Variants in CDK14 observed in about 807,000 individuals in gnomAD.
CDK14 encodes the protein cyclin dependent kinase 14.
CDK14 carries 34 observed loss-of-function variants against 60.7 expected under a neutral mutation model. The observed-to-expected ratio is 0.56, with a 90% CI of 0.43 to 0.75. The LOEUF (loss-of-function observed/expected upper bound fraction) is 0.75. Among genes scored for constraint, CDK14 ranks in the 30% least tolerant of loss-of-function variants. The pLI, the probability that CDK14 is intolerant of heterozygous loss-of-function variation, is 0.00. For missense variants in CDK14, 482 were observed against 564.1 expected (o/e 0.85, Z 1.47); for synonymous variants, 197 against 203.7 (o/e 0.97, Z 0.28).
At chr7:90,604,299 G>A (rs1440441999) in intron 2 of CDK14, 50 bp downstream of exon 2, 3 of 1,183,660 alleles carry the variant, frequency 2.5e-6, no homozygotes, top group Non-Finnish European at 3.5e-6. Context: ...TGACTACCAG[G>A]TAAAGTCAGT....
chr7:90,738,826 A>G (rs11768839), intron 3 of CDK14, among the ~76,000 whole-genome samples: 305 of 152,336 alleles, frequency 2.0e-3, no homozygotes, highest in Admixed American at 4.1e-3. Flanking sequence ...ATGATTTAAT[A>G]AAGTTGCAAG....
intron 5 of CDK14, among the ~76,000 whole-genome samples, chr7:90,801,027 A>C (rs991037179): frequency 2.6e-5 from 4 of 152,212 alleles, no homozygotes; most frequent in African/African-American, 4.8e-5. Flanking sequence ...GCATGGCTTC[A>C]TCTTAACTTA....
intron 10 of CDK14, among the ~76,000 whole-genome samples, chr7:91,031,639 G>C (rs967673643): frequency 6.6e-6 from 1 of 152,132 alleles, no homozygotes; most frequent in Admixed American, 6.5e-5. Flanking sequence ...GTTAAATGAC[G>C]TAGTGAGTTC....
chr7:90,954,182 G>A (rs1794339610), intron 8 of CDK14, among the ~76,000 whole-genome samples: 1 of 151,992 alleles, frequency 6.6e-6, no homozygotes, highest in Non-Finnish European at 1.5e-5. Flanking sequence ...AACCATGGCT[G>A]AATTAATTAG....
At chr7:90,802,162 A>G (rs1042023858) in intron 5 of CDK14, among the ~76,000 whole-genome samples, 21 of 152,180 alleles carry the variant, frequency 1.4e-4, no homozygotes, top group Non-Finnish European at 1.2e-4. Flanking sequence ...TCCTCTTGTA[A>G]TGATTTCAAA....
intron 12 of CDK14, among the ~76,000 whole-genome samples, chr7:91,107,955 T>G (rs1360557518): frequency 6.6e-6 from 1 of 152,208 alleles, no homozygotes; most frequent in Non-Finnish European, 1.5e-5. Context: ...CTCAAGAGCT[T>G]GACAGAATTG....
At chr7:90,833,306 A>AATG (rs1381199390) in intron 5 of CDK14, among the ~76,000 whole-genome samples, 2 of 152,162 alleles carry the variant, frequency 1.3e-5, no homozygotes, top group Non-Finnish European at 1.5e-5. Context: ...GTAATTGTAC[A>AATG]ATGTATCTGC....
intron 10 of CDK14, among the ~76,000 whole-genome samples, chr7:90,984,595 G>A (rs1795324432): frequency 6.6e-6 from 1 of 152,176 alleles, no homozygotes; most frequent in Admixed American, 6.5e-5. Flanking sequence ...CCCCTTGACT[G>A]TGAGCTTTGA....
intron 2 of CDK14, among the ~76,000 whole-genome samples, chr7:90,622,577 A>T (rs1799793914): frequency 6.6e-6 from 1 of 152,220 alleles, no homozygotes; most frequent in Non-Finnish European, 1.5e-5. Context: ...TATAAAAATT[A>T]AAAGCATTTG....
intron 10 of CDK14, among the ~76,000 whole-genome samples, chr7:90,992,970 C>T (rs1026022895): frequency 6.6e-6 from 1 of 152,094 alleles, no homozygotes; most frequent in Non-Finnish European, 1.5e-5. Flanking sequence ...TGAGTCAGTT[C>T]ACCATGAGAG....
rs1802936256 is a variant in CDK14, at chr7:91,207,394, T to C, written c.*258T>C. 2 of 152,550 alleles carry C rather than the reference T, an allele frequency of 1.3e-5. No homozygotes were observed. Among genetic ancestry groups the C allele is most frequent in the African/African-American group, 2.4e-5 (1 of 41,476 alleles). 9.4% of individuals were successfully genotyped at this position (152,550 alleles called of 1,614,324 possible). A position where few individuals can be genotyped will look rare whatever the true frequency, so the allele number is the denominator to read the frequency against. ...GTGAAGATTAAGCTTTGCTTACTGATACATGGCATGTATTCTTTTCAGTCT... is the reference window on the plus strand; with the variant it reads ...GTGAAGATTAAGCTTTGCTTACTGACACATGGCATGTATTCTTTTCAGTCT... On this transcript the variant is annotated 3_prime_UTR_variant, in exon 15 of 15. Transcript: ENST00000380050.
At chr7:91,060,855 T>C (rs1233604656) in intron 11 of CDK14, among the ~76,000 whole-genome samples, 1 of 152,190 alleles carries the variant, frequency 6.6e-6, no homozygotes, top group Non-Finnish European at 1.5e-5. Context: ...TTTTAACTTT[T>C]GTGAATCTGA....
At chr7:90,975,772 T>C (rs1795052819) in intron 9 of CDK14, among the ~76,000 whole-genome samples, 1 of 152,192 alleles carries the variant, frequency 6.6e-6, no homozygotes, top group Admixed American at 6.6e-5. Flanking sequence ...CTTCCGTATA[T>C]GAGTGAGAAC....
At chr7:90,932,034 T>G (rs1793608229) in intron 8 of CDK14, among the ~76,000 whole-genome samples, 1 of 152,252 alleles carries the variant, frequency 6.6e-6, no homozygotes, top group Non-Finnish European at 1.5e-5. Context: ...AAATATAGTT[T>G]GTTGGATAAC....
At chr7:90,844,461 A>G (rs1790396087) in intron 5 of CDK14, among the ~76,000 whole-genome samples, 1 of 152,216 alleles carries the variant, frequency 6.6e-6, no homozygotes, top group Non-Finnish European at 1.5e-5. Context: ...TAGAGTCATG[A>G]GGTAGGACTT....
intron 10 of CDK14, among the ~76,000 whole-genome samples, chr7:91,035,319 A>C (rs1026025029): frequency 1.3e-5 from 2 of 152,214 alleles, no homozygotes; most frequent in Non-Finnish European, 2.9e-5. Context: ...GTCTGAATGC[A>C]AAATGCAACC....
intron 8 of CDK14, among the ~76,000 whole-genome samples, chr7:90,929,296 G>T (rs1793518309): frequency 6.6e-6 from 1 of 152,194 alleles, no homozygotes; most frequent in African/African-American, 2.4e-5. Context: ...CATTGCTCAT[G>T]CTGGGAGCTG....
At chr7:90,712,154 C>T (rs1802086444) in intron 2 of CDK14, among the ~76,000 whole-genome samples, 1 of 151,500 alleles carries the variant, frequency 6.6e-6, no homozygotes, top group African/African-American at 2.4e-5. Context: ...TAACACAAAT[C>T]TTGCCATTAT....
intron 4 of CDK14, among the ~76,000 whole-genome samples, chr7:90,763,030 C>T (rs1804387580): frequency 6.6e-6 from 1 of 152,130 alleles, no homozygotes; most frequent in Non-Finnish European, 1.5e-5. Flanking sequence ...AAAGCAAGTA[C>T]TTCTGATGAT....
Sources: allele counts gnomAD v4.1 joint callset (sites outside exome capture counted in the v4.1 genomes callset), GRCh38; gene constraint gnomAD v4.1.1; transcripts MANE v1.5; gene names NCBI Gene and HGNC (gene_info 2026-07-23, HGNC 2026-07-21).